Variants in NEDD4L observed in about 807,000 individuals in gnomAD.
The protein encoded by NEDD4L is NEDD4 like E3 ubiquitin protein ligase.
Under a neutral mutation model 148.9 loss-of-function variants are expected in NEDD4L, and 54 were observed. The ratio of observed to expected loss-of-function variants is 0.36; its 90% CI spans 0.29 to 0.45. The LOEUF (loss-of-function observed/expected upper bound fraction) is 0.45, where lower values mean the gene tolerates loss of function less well. NEDD4L is among the 20% of genes least tolerant of loss of function. The pLI is 1.00. For synonymous variants in NEDD4L, 433 were observed against 440.7 expected (o/e 0.98, Z 0.22); for missense variants, 856 against 1,233.8 (o/e 0.69, Z 4.59).
chr18:58,298,992 C>T (rs1017106920), intron 5 of NEDD4L, among the ~76,000 whole-genome samples: 2 of 152,182 alleles, frequency 1.3e-5, no homozygotes, highest in Admixed American at 1.3e-4. Context: ...TAGTCACATC[C>T]CTCGAATGTT....
At chr18:58,357,163 G>C in intron 18 of NEDD4L, 31 bp from the exon 19 acceptor site, 2 of 1,115,326 alleles carry the variant, frequency 1.8e-6, no homozygotes, top group African/African-American at 2.2e-5. Flanking sequence ...CTAATGTTCT[G>C]ATTTTTTTTT....
chr18:58,195,438 G>C lies in NEDD4L; in HGVS notation c.122+29577G>C, dbSNP rs2040549988. The C allele has an allele frequency of 7.6e-6, 10 of 1,317,212 alleles. No homozygotes were observed. The Admixed American group carries it at 1.0e-4, about 13-fold the overall frequency. The allele number at this position is 1,317,212 out of a possible 1,614,324, so 81.6% of individuals were successfully genotyped here. ...ATTTGCTCCCGATTCGAGAGAGGCA[G>C]GCATCCGCGGCAGCAGCTTCCAACC... is the stretch of plus-strand genomic sequence containing the variant. On this transcript the variant is annotated intron_variant, in intron 2 of 30. Transcript: ENST00000400345.
intron 30 of NEDD4L, among the ~76,000 whole-genome samples, chr18:58,395,431 C>T (rs1293679173): frequency 6.6e-6 from 1 of 152,196 alleles, no homozygotes; most frequent in Non-Finnish European, 1.5e-5. Flanking sequence ...GTCACAGAAG[C>T]ACAGAGGCCA....
At chr18:58,223,692 T>C (rs1421515948) in intron 2 of NEDD4L, among the ~76,000 whole-genome samples, 1 of 152,238 alleles carries the variant, frequency 6.6e-6, no homozygotes, top group Non-Finnish European at 1.5e-5. Context: ...TGATGTAGTG[T>C]GCTAGTAACA....
chr18:58,084,793 CAA>C (rs1286000816), intron 1 of NEDD4L, among the ~76,000 whole-genome samples: 2 of 151,716 alleles, frequency 1.3e-5, no homozygotes, highest in African/African-American at 4.8e-5. Context: ...TTCCTGGGCT[CAA>C]GAGATCCTCC....
chr18:58,391,886 C>CA (rs753927921), intron 30 of NEDD4L, among the ~76,000 whole-genome samples: 6 of 152,220 alleles, frequency 3.9e-5, no homozygotes, highest in Non-Finnish European at 8.8e-5. Flanking sequence ...GTATAATAAA[C>CA]ACGTTGGGTT....
intron 23 of NEDD4L, among the ~76,000 whole-genome samples, chr18:58,371,314 A>G (rs1456636586): frequency 6.6e-6 from 1 of 150,584 alleles, no homozygotes; most frequent in South Asian, 2.1e-4. Flanking sequence ...CATCCTCCCA[A>G]AGTGCTGGGA....
intron 3 of NEDD4L, among the ~76,000 whole-genome samples, chr18:58,246,100 G>A (rs2047237194): frequency 6.6e-6 from 1 of 151,922 alleles, no homozygotes; most frequent in African/African-American, 2.4e-5. Context: ...TAGTGATTCA[G>A]GTTTTTACTT....
intron 19 of NEDD4L, among the ~76,000 whole-genome samples, chr18:58,360,285 G>A (rs1349845291): frequency 6.6e-6 from 1 of 152,134 alleles, no homozygotes; most frequent in Admixed American, 6.5e-5. Flanking sequence ...TTAACATACT[G>A]CATTTTTCCG....
At chr18:58,135,972 C>T (rs1199841994) in intron 1 of NEDD4L, among the ~76,000 whole-genome samples, 1 of 152,162 alleles carries the variant, frequency 6.6e-6, no homozygotes, top group Non-Finnish European at 1.5e-5. Context: ...CGCTTGCTCC[C>T]CCTTGTGGCT....
At chr18:58,195,521 T>C in intron 2 of NEDD4L, 1 of 1,344,036 alleles carries the variant, frequency 7.4e-7, no homozygotes, top group South Asian at 1.2e-5. Context: ...GGGCCCTACC[T>C]GGGCGGGAGC....
intron 2 of NEDD4L, among the ~76,000 whole-genome samples, chr18:58,175,650 G>A (rs1432299312): frequency 6.6e-6 from 1 of 152,222 alleles, no homozygotes. Context: ...AATAGCTTGT[G>A]CAATTACTCC....
rs1218575913 is a variant in NEDD4L at position 58,294,565 on chromosome 18, A to G, written c.298-21417A>G. Among the ~76,000 whole-genome samples, 7 of 152,276 alleles carry G rather than the reference A, an allele frequency of 4.6e-5. No individual in the cohort carries two copies. The East Asian group carries it at 1.3e-3, about 29-fold the overall frequency. ...TTCCACAAATACTTGTTTTTCTGTGACATTCTCATTGGTTTTATTCAGTTA... is the reference window on the plus strand; with the variant it reads ...TTCCACAAATACTTGTTTTTCTGTGGCATTCTCATTGGTTTTATTCAGTTA... On this transcript the variant is annotated intron_variant, in intron 5 of 30. Coordinates refer to ENST00000400345, the MANE Select transcript of NEDD4L (RefSeq NM_001144967.3).
In NEDD4L at chr18:58,387,423, T is replaced by G. The variant is rs1347998933; in HGVS notation, c.2488-16T>G. Reference sequence around the variant, plus strand: ...AAGGCAATAGGTGTTTAAGATGTTTTTTTTTTTTCTTTCAGGGATTCACAG... The same window carrying G: ...AAGGCAATAGGTGTTTAAGATGTTTGTTTTTTTTCTTTCAGGGATTCACAG... On this transcript the variant is annotated splice_polypyrimidine_tract_variant and intron_variant, in intron 26 of 30. Coordinates refer to ENST00000400345, the MANE Select transcript of NEDD4L (RefSeq NM_001144967.3). 51 of 1,522,668 alleles carry G rather than the reference T, an allele frequency of 3.3e-5. No individual in the cohort carries two copies. The highest frequency in any genetic ancestry group is 4.2e-5 in the Non-Finnish European group (48 of 1,142,932). The allele number at this position is 1,522,668 out of a possible 1,614,324, so 94.3% of individuals were successfully genotyped here. A position where few individuals can be genotyped will look rare whatever the true frequency, so the allele number is the denominator to read the frequency against.
chr18:58,291,118 A>G (rs547952206), intron 5 of NEDD4L, among the ~76,000 whole-genome samples: 25 of 150,430 alleles, frequency 1.7e-4, no homozygotes, highest in African/African-American at 4.2e-4. Context: ...AGGCCGACCG[A>G]CCCACGTGGT....
intron 19 of NEDD4L, among the ~76,000 whole-genome samples, chr18:58,363,023 T>C (rs2045674532): frequency 6.6e-6 from 1 of 152,196 alleles, no homozygotes; most frequent in Non-Finnish European, 1.5e-5. Context: ...CAAAGAAGAC[T>C]GGCTTAAAAA....
chr18:58,112,471 T>TAC (rs2085483288), intron 1 of NEDD4L, among the ~76,000 whole-genome samples: 1 of 151,114 alleles, frequency 6.6e-6, no homozygotes, highest in African/African-American at 2.4e-5. Context: ...TATATATATA[T>TAC]AGAGAGAGAT....
chr18:58,315,211 A>G (rs554238114), intron 5 of NEDD4L, among the ~76,000 whole-genome samples: 51 of 152,330 alleles, frequency 3.3e-4, no homozygotes, highest in African/African-American at 1.2e-3. Flanking sequence ...CCATGCCACA[A>G]GCACCGTAAC....
intron 2 of NEDD4L, among the ~76,000 whole-genome samples, chr18:58,196,267 C>G (rs528254124): frequency 2.6e-5 from 4 of 152,156 alleles, no homozygotes; most frequent in Non-Finnish European, 4.4e-5. Context: ...TCAGCCAGCT[C>G]GTGATGGGAC....
Sources: allele counts gnomAD v4.1 joint callset (sites outside exome capture counted in the v4.1 genomes callset), GRCh38; gene constraint gnomAD v4.1.1; transcripts MANE v1.5; gene names NCBI Gene and HGNC (gene_info 2026-07-23, HGNC 2026-07-21).